LRRC28: variants seen among roughly 807,000 people sequenced by gnomAD.
The protein encoded by LRRC28 is leucine-rich repeat-containing protein 28.
In LRRC28, 39 loss-of-function variants were observed where a neutral mutation model predicts 45.7. The ratio of observed to expected loss-of-function variants is 0.85; its 90% confidence interval spans 0.66 to 1.12. LRRC28 has a LOEUF of 1.12. Ranked by LOEUF, LRRC28 falls within the 50% of genes most tolerant of loss-of-function variation. The pLI is 0.00. For missense variants in LRRC28, 435 were observed against 438.5 expected (o/e 0.99, Z 0.07); for synonymous variants, 206 against 178.8 (o/e 1.15, Z -1.22).
At chr15:99,266,432 A>T (rs2081334178) in intron 2 of LRRC28, among the ~76,000 whole-genome samples, 2 of 152,178 alleles carry the variant, frequency 1.3e-5, no homozygotes, top group South Asian at 4.2e-4. Flanking sequence ...TGAGCCCAGG[A>T]GTTTGAGACC....
At chr15:99,380,473 G>C (rs1320348765) in intron 9 of LRRC28, among the ~76,000 whole-genome samples, 3 of 152,072 alleles carry the variant, frequency 2.0e-5, no homozygotes, top group Non-Finnish European at 4.4e-5. Context: ...CACACTGATG[G>C]GTCTTGACTC....
At chr15:99,358,419 TA>T (rs1957106254) in intron 7 of LRRC28, among the ~76,000 whole-genome samples, 1 of 152,180 alleles carries the variant, frequency 6.6e-6, no homozygotes, top group Non-Finnish European at 1.5e-5. Context: ...TGGAAGGCTT[TA>T]GGGAAATAGA....
At chr15:99,254,143 T>G (rs1419048874) in intron 1 of LRRC28, among the ~76,000 whole-genome samples, 2 of 152,228 alleles carry the variant, frequency 1.3e-5, no homozygotes, top group Non-Finnish European at 2.9e-5. Context: ...TGATGTTATT[T>G]GTAGTCTACT....
At chr15:99,284,883 C>G (rs2081915136) in intron 3 of LRRC28, 2 of 577,668 alleles carry the variant, frequency 3.5e-6, no homozygotes, top group African/African-American at 1.9e-5. Flanking sequence ...TCTACCATCA[C>G]CATGGCTGCC....
chr15:99,323,087 C>T (rs1447463470), intron 5 of LRRC28, among the ~76,000 whole-genome samples: 3 of 152,076 alleles, frequency 2.0e-5, no homozygotes, highest in Non-Finnish European at 4.4e-5. Flanking sequence ...ATTCTCTTTC[C>T]CACCTTTTAA....
chr15:99,259,585 C>T, intron 2 of LRRC28: 1 of 1,488,764 alleles, frequency 6.7e-7, no homozygotes. Flanking sequence ...GGTCTGGCAA[C>T]ATGGAGAGAA....
chr15:99,263,584 C>T (rs1367972491), intron 2 of LRRC28, among the ~76,000 whole-genome samples: 1 of 152,080 alleles, frequency 6.6e-6, no homozygotes, highest in Non-Finnish European at 1.5e-5. Flanking sequence ...ATAAGAGTTC[C>T]AGACTGAGAG....
intron 9 of LRRC28, among the ~76,000 whole-genome samples, chr15:99,365,104 T>G (rs1276048869): frequency 1.3e-5 from 2 of 152,206 alleles, no homozygotes; most frequent in Non-Finnish European, 2.9e-5. Flanking sequence ...TTTTTTAATC[T>G]TGGCAATTCA....
In LRRC28 at chr15:99,361,339, T is replaced by C. The variant is rs764886900; in HGVS notation, c.699T>C (p.Cys233=). ...LYNKVIGCSG[C]GAPIQVSEVK... ...GTGAATGTGTGTCTTTCTGCAGCTG[T>C]GGTGCTCCCATTCAAGTTTCCGAGG... is the stretch of plus-strand genomic sequence containing the variant. The change falls in exon 8 of 10, where the codon TGT becomes TGC. Residue 233 remains cysteine (C), a synonymous_variant. Transcript: ENST00000301981. 34 of 1,611,912 alleles carry C rather than the reference T, an allele frequency of 2.1e-5. No homozygotes were observed. Among genetic ancestry groups the C allele is most frequent in the Non-Finnish European group, 2.7e-5 (32 of 1,179,234 alleles).
At chr15:99,279,914 A>AT (rs1226556286) in intron 3 of LRRC28, among the ~76,000 whole-genome samples, 4 of 152,140 alleles carry the variant, frequency 2.6e-5, no homozygotes, top group African/African-American at 9.7e-5. Flanking sequence ...TAGCTGTTCC[A>AT]TTTTACATTT....
At chr15:99,312,360 C>T (rs1227336551) in intron 5 of LRRC28, among the ~76,000 whole-genome samples, 2 of 152,160 alleles carry the variant, frequency 1.3e-5, no homozygotes, top group Non-Finnish European at 2.9e-5. Context: ...TCTAGGCCTA[C>T]ACAGGGTCAA....
intron 2 of LRRC28, among the ~76,000 whole-genome samples, chr15:99,265,322 A>G (rs2081303508): frequency 6.6e-6 from 1 of 152,168 alleles, no homozygotes; most frequent in African/African-American, 2.4e-5. Flanking sequence ...GTGATATAAC[A>G]TGAAATCTGA....
intron 9 of LRRC28, among the ~76,000 whole-genome samples, chr15:99,369,359 G>A (rs1158901135): frequency 6.6e-6 from 1 of 152,044 alleles, no homozygotes; most frequent in Non-Finnish European, 1.5e-5. Flanking sequence ...CTTCCTGATA[G>A]CAAAATTTCT....
chr15:99,316,062 C>T (rs1955582105), intron 5 of LRRC28, among the ~76,000 whole-genome samples: 1 of 152,118 alleles, frequency 6.6e-6, no homozygotes, highest in Non-Finnish European at 1.5e-5. Flanking sequence ...ATGGAATCTG[C>T]TCATGTTTTC....
chr15:99,383,567 A>T (rs1567716446), intron 9 of LRRC28, among the ~76,000 whole-genome samples: 2 of 152,180 alleles, frequency 1.3e-5, no homozygotes, highest in Admixed American at 6.5e-5. Context: ...GCAGTTCTGG[A>T]TACAACTCTT....
intron 9 of LRRC28, among the ~76,000 whole-genome samples, chr15:99,380,540 G>A (rs1174026935): frequency 2.0e-5 from 3 of 152,124 alleles, no homozygotes; most frequent in African/African-American, 4.8e-5. Flanking sequence ...TACATTTAAG[G>A]TTAATATTGT....
intron 3 of LRRC28, chr15:99,285,467 C>A (rs534136206): frequency 2.3e-6 from 2 of 860,600 alleles, no homozygotes; most frequent in African/African-American, 1.7e-5. Context: ...GTGAGCGTTC[C>A]CCATTGCTCA....
intron 9 of LRRC28, among the ~76,000 whole-genome samples, chr15:99,375,441 A>G (rs888158900): frequency 6.6e-6 from 1 of 152,174 alleles, no homozygotes; most frequent in African/African-American, 2.4e-5. Flanking sequence ...TTTTTGTATT[A>G]TCCTTGTCTG....
At chr15:99,353,353 T>C (rs948534308) in intron 7 of LRRC28, among the ~76,000 whole-genome samples, 1 of 152,204 alleles carries the variant, frequency 6.6e-6, no homozygotes, top group African/African-American at 2.4e-5. Flanking sequence ...AGTGTATACA[T>C]AGAAGACAGC....
Sources: gnomAD v4.1 joint callset for allele counts (sites outside exome capture counted in the v4.1 genomes callset) on GRCh38, gnomAD v4.1.1 for gene constraint, MANE v1.5 for transcripts, NCBI Gene and HGNC (gene_info 2026-07-23, HGNC 2026-07-21) for gene names.